ESYT2: variants seen among roughly 807,000 people sequenced by gnomAD.
ESYT2 encodes the protein extended synaptotagmin-2.
A neutral mutation model predicts 107.2 loss-of-function variants in ESYT2; 54 were observed. That is an observed-to-expected ratio of 0.50 (90% confidence interval 0.40 to 0.63). The LOEUF is 0.63. Among genes scored for constraint, ESYT2 ranks in the 30% least tolerant of loss-of-function variants. The pLI is 0.00. For missense variants in ESYT2, 1,020 were observed against 1,094.5 expected (o/e 0.93, Z 0.96); for synonymous variants, 491 against 434.1 (o/e 1.13, Z -1.63).
chr7:158,811,230 CT>C (rs751332196), intron 1 of ESYT2, among the ~76,000 whole-genome samples: 1 of 152,082 alleles, frequency 6.6e-6, no homozygotes, highest in Non-Finnish European at 1.5e-5. Context: ...ACACATACTG[CT>C]TTTACCATGG....
intron 2 of ESYT2, among the ~76,000 whole-genome samples, chr7:158,798,279 A>T (rs1839530787): frequency 6.6e-6 from 1 of 152,232 alleles, no homozygotes; most frequent in Admixed American, 6.5e-5. Context: ...AATATGTTGC[A>T]GGAACTAGTT....
At chr7:158,803,668 A>C (rs1455727543) in intron 1 of ESYT2, among the ~76,000 whole-genome samples, 5 of 152,240 alleles carry the variant, frequency 3.3e-5, no homozygotes, top group Non-Finnish European at 7.3e-5. Context: ...CACACACAGC[A>C]CAACAAAAGG....
At chr7:158,750,488 T>C (rs1181911414) in intron 14 of ESYT2, among the ~76,000 whole-genome samples, 2 of 152,274 alleles carry the variant, frequency 1.3e-5, no homozygotes, top group East Asian at 3.9e-4. Flanking sequence ...CACAAAAATG[T>C]TTTTGAGTTA....
In ESYT2 at chr7:158,761,539, A is replaced by G. The variant is rs145682972; in HGVS notation, c.1190T>C (p.Met397Thr). The change falls in exon 11 of 23, where the codon ATG (methionine) becomes ACG (threonine). Residue 397 changes from methionine to threonine, a missense_variant. By Grantham distance (81) the Met-to-Thr change is moderately conservative (BLOSUM62 -1). Coordinates refer to ENST00000275418, the MANE Select transcript of ESYT2 (RefSeq NM_001367773.1). ...PDKDDFLGSLMIDLIEVEKER... is the reference protein window; with the variant it reads ...PDKDDFLGSLTIDLIEVEKER... ...CTTTTCAACTTCAATGAGGTCAATC[A>G]TAAGACTATAAAAATAACAATACGA... 43 of 1,613,570 alleles carry G rather than the reference A, an allele frequency of 2.7e-5. No individual in the cohort carries two copies. The highest frequency in any genetic ancestry group is 3.3e-5 in the Non-Finnish European group (39 of 1,179,638).
intron 3 of ESYT2, among the ~76,000 whole-genome samples, chr7:158,797,321 A>T (rs1052845119): frequency 1.3e-5 from 2 of 151,894 alleles, no homozygotes; most frequent in Non-Finnish European, 2.9e-5. Flanking sequence ...CTAACTTTTA[A>T]ATTTTTTTGT....
At chr7:158,823,841 A>T (rs1840361666) in intron 1 of ESYT2, among the ~76,000 whole-genome samples, 1 of 152,190 alleles carries the variant, frequency 6.6e-6, no homozygotes, top group African/African-American at 2.4e-5. Context: ...TGATCTTCAC[A>T]GGATGGAAGT....
rs879308654 is a variant in ESYT2 at position 158,749,277 on chromosome 7, C to T, written c.1557+372G>A. Among the ~76,000 whole-genome samples the T allele has an allele frequency of 2.2e-4, 33 of 152,096 alleles. 1 individual carries two copies. Among genetic ancestry groups the T allele is most frequent in the Admixed American group, 2.2e-3 (33 of 15,274 alleles). On this transcript the variant is annotated intron_variant, in intron 15 of 22. Transcript: ENST00000275418. Reference sequence around the variant, plus strand: ...ACCCGGCACCGCACCCGGCACCATGCCCGACTAAGTTTTGTATTTTTAGTA... The same window carrying T: ...ACCCGGCACCGCACCCGGCACCATGTCCGACTAAGTTTTGTATTTTTAGTA...
chr7:158,771,741 G>C (rs1015295914), intron 7 of ESYT2, among the ~76,000 whole-genome samples: 30 of 152,344 alleles, frequency 2.0e-4, no homozygotes, highest in African/African-American at 6.5e-4. Context: ...GCACAGCTGT[G>C]TCCCATGCAC....
chr7:158,742,029 G>T (rs1204166240), intron 17 of ESYT2, 133 bp from the exon 18 acceptor site: 2 of 992,384 alleles, frequency 2.0e-6, no homozygotes, highest in Non-Finnish European at 2.9e-6. Context: ...TTTTTTAAAG[G>T]AAAGTTTAGG....
chr7:158,753,078 T>C (rs540967599), intron 13 of ESYT2, among the ~76,000 whole-genome samples: 8 of 152,346 alleles, frequency 5.3e-5, no homozygotes, highest in Admixed American at 2.6e-4. Flanking sequence ...TTATCCCCTA[T>C]GATTAATATT....
intron 8 of ESYT2, among the ~76,000 whole-genome samples, chr7:158,766,918 C>G (rs556642039): frequency 1.8e-4 from 28 of 152,182 alleles, no homozygotes; most frequent in Non-Finnish European, 3.5e-4. Flanking sequence ...ACTCCACCCA[C>G]CCCTTCCATA....
intron 19 of ESYT2, among the ~76,000 whole-genome samples, chr7:158,738,596 A>T (rs1837070378): frequency 6.6e-6 from 1 of 150,892 alleles, no homozygotes; most frequent in Admixed American, 6.6e-5. Context: ...CTGGGATTAC[A>T]GGCATGCACC....
Position 158,764,285 on chromosome 7 carries a change from T to C in ESYT2, c.1101+392A>G, listed in dbSNP as rs139061439. On this transcript the variant is annotated intron_variant, in intron 9 of 22. Coordinates refer to ENST00000275418, the MANE Select transcript of ESYT2 (RefSeq NM_001367773.1). Reference sequence around the variant, plus strand: ...TAAAAATCACGTAGATCTCTATTCATTGACATGTGAAGATGTCCTAATTTA... The same window carrying C: ...TAAAAATCACGTAGATCTCTATTCACTGACATGTGAAGATGTCCTAATTTA... Among the ~76,000 whole-genome samples, 11 of 152,250 alleles carry C rather than the reference T, an allele frequency of 7.2e-5. No homozygotes were observed. The East Asian group carries it at 1.4e-3, about 19-fold the overall frequency.
rs1584893098 is a variant in ESYT2, at chr7:158,825,141, A to G, written c.330+3948T>C. 2.0e-5 allele frequency among the ~76,000 whole-genome samples: 3 copies of G among 152,006 alleles called. No individual in the cohort carries two copies. The South Asian group carries it at 6.2e-4, about 32-fold the overall frequency. On this transcript the variant is annotated intron_variant, in intron 1 of 22. Transcript: ENST00000275418. ...AACCCTGTCTCTACTAAAAACACAA[A>G]AATTAGCCAGACGTGGTGACGGGCG...
intron 1 of ESYT2, among the ~76,000 whole-genome samples, chr7:158,826,128 AC>A (rs1428348781): frequency 2.6e-5 from 4 of 151,568 alleles, no homozygotes; most frequent in African/African-American, 9.7e-5. Context: ...CACCCCCACC[AC>A]CCCTGCCGCG....
chr7:158,739,307 G>A (rs1333827113), intron 18 of ESYT2, among the ~76,000 whole-genome samples, 186 bp from the exon 19 acceptor site: 1 of 152,112 alleles, frequency 6.6e-6, no homozygotes, highest in Admixed American at 6.5e-5. Context: ...TTTACTTGAG[G>A]GTTCAATATA....
At chr7:158,782,649 G>A (rs202087620) in intron 6 of ESYT2, among the ~76,000 whole-genome samples, 2 of 148,926 alleles carry the variant, frequency 1.3e-5, no homozygotes, top group Admixed American at 6.7e-5. Context: ...TGAGAACAAA[G>A]AAGTATTAAA....
intron 1 of ESYT2, among the ~76,000 whole-genome samples, chr7:158,828,229 C>T (rs1840512154): frequency 6.6e-6 from 1 of 152,248 alleles, no homozygotes; most frequent in Non-Finnish European, 1.5e-5. Flanking sequence ...TGCGTCTTCT[C>T]CCGGTAGAAG....
At chr7:158,742,036 T>C in intron 17 of ESYT2, 140 bp from the exon 18 acceptor site, 1 of 923,014 alleles carries the variant, frequency 1.1e-6, no homozygotes, top group Non-Finnish European at 1.6e-6. Context: ...AAGGAAAGTT[T>C]AGGTAACCAA....
Sources: gnomAD v4.1 joint callset for allele counts (sites outside exome capture counted in the v4.1 genomes callset) on GRCh38, gnomAD v4.1.1 for gene constraint, MANE v1.5 for transcripts, NCBI Gene and HGNC (gene_info 2026-07-23, HGNC 2026-07-21) for gene names.